MOCS1: variants seen among roughly 807,000 people sequenced by gnomAD.
MOCS1 encodes molybdenum cofactor biosynthesis protein 1.
MOCS1 carries 39 observed loss-of-function variants against 57.6 expected under a neutral mutation model. The ratio of observed to expected loss-of-function variants is 0.68; its 90% CI spans 0.52 to 0.88. The LOEUF (loss-of-function observed/expected upper bound fraction) is 0.88, where lower values mean the gene tolerates loss of function less well. Among genes scored for constraint, MOCS1 ranks in the 40% least tolerant of loss-of-function variants. The pLI, the probability that MOCS1 is intolerant of heterozygous loss-of-function variation, is 0.00. For missense variants in MOCS1, 795 were observed against 831.1 expected, an observed-to-expected ratio of 0.96 and a Z score of 0.53; for synonymous variants, 334 against 335.7, an observed-to-expected ratio of 1.00 and a Z score of 0.05.
intron 1 of MOCS1, among the ~76,000 whole-genome samples, chr6:39,934,076 C>CAG (rs1236831722): frequency 6.6e-6 from 1 of 152,084 alleles, no homozygotes; most frequent in Non-Finnish European, 1.5e-5. Flanking sequence ...GGCTGGGGGG[C>CAG]AGGGAGGTTC....
In MOCS1 at chr6:39,904,689, ACTAT is replaced by A. The variant is rs112059918; in HGVS notation, c.*1664_*1667del. 0.015 allele frequency: 6,840 copies of A among 453,978 alleles called. 290 individuals carry two copies. The highest frequency in any genetic ancestry group is 0.11 in the African/African-American group (5,268 of 50,076). The allele number at this position is 453,978 out of a possible 1,614,324, so 28.1% of individuals were successfully genotyped here. A position where few individuals can be genotyped will look rare whatever the true frequency, so the allele number is the denominator to read the frequency against. ...CATTTCCACCAACTGGGGAACTGTG[ACTAT>A]CTATCTCCCCCGACTTCTACCAGGG... On this transcript the variant is annotated 3_prime_UTR_variant, in exon 11 of 11. Transcript: ENST00000340692.
At chr6:39,918,350 A>C (rs1767777213) in intron 3 of MOCS1, among the ~76,000 whole-genome samples, 1 of 152,254 alleles carries the variant, frequency 6.6e-6, no homozygotes, top group Admixed American at 6.5e-5. Flanking sequence ...ATTCATCATC[A>C]GTTTAAGGTA....
intron 1 of MOCS1, among the ~76,000 whole-genome samples, chr6:39,928,583 G>A (rs779810581): frequency 5.3e-5 from 8 of 152,036 alleles, no homozygotes; most frequent in Non-Finnish European, 1.0e-4. Context: ...AAAAAATCAC[G>A]ACCCTGGAAG....
intron 3 of MOCS1, among the ~76,000 whole-genome samples, chr6:39,921,030 G>A (rs1767938178): frequency 2.0e-5 from 3 of 151,428 alleles, no homozygotes; most frequent in Non-Finnish European, 4.4e-5. Flanking sequence ...ATAGAAAACT[G>A]AGGAACACTT....
At position 39,906,600 on chromosome 6, in the gene MOCS1, G is replaced by A. The variant is rs149233109; in HGVS notation, c.1668C>T (p.His556=). The change falls in exon 11 of 11, where the codon CAC becomes CAT. Residue 556 remains histidine, a synonymous_variant. Transcript: ENST00000340692. ...VTSQLIPLCH[H]VALSHIQVQL... ...GCACCTGGATGTGGCTCAGGGCCAC[G>A]TGGTGGCACAGAGGGATCAGCTGGC... 3.0e-3 allele frequency: 4,900 copies of A among 1,613,884 alleles called. 20 individuals carry two copies. Among genetic ancestry groups the A allele is most frequent in the Middle Eastern group, 0.013 (80 of 6,058 alleles).
At position 39,934,461 on chromosome 6, in the gene MOCS1, C is replaced by G. The variant is rs3800349; in HGVS notation, c.-44G>C. On this transcript the variant is annotated 5_prime_UTR_variant, in exon 1 of 11. Coordinates refer to ENST00000340692, the MANE Select transcript of MOCS1 (RefSeq NM_001358530.2). ...AACCGCAGCCCGCTTCGGGAGCACA[C>G]TGGCCGGGCACTCGCCCCCGGGGTC... 1.3e-6 allele frequency: 2 copies of G among 1,530,472 alleles called. No individual in the cohort carries two copies. Among genetic ancestry groups the G allele is most frequent in the South Asian group, 1.2e-5 (1 of 84,970 alleles). 94.8% of individuals were successfully genotyped at this position (1,530,472 alleles called of 1,614,324 possible).
chr6:39,917,571 G>A (rs927009444), intron 3 of MOCS1, among the ~76,000 whole-genome samples: 22 of 152,158 alleles, frequency 1.4e-4, no homozygotes, highest in Middle Eastern at 6.8e-3. Context: ...CAACATTGCC[G>A]GGCAGGCCAA....
rs547760875 is a variant in MOCS1, at chr6:39,907,644, G to A, written c.1151-527C>T. On this transcript the variant is annotated intron_variant, in intron 10 of 10. Transcript: ENST00000340692. ...TTTTCAAGTCCCCTGAAGCACATGA[G>A]AAGCACATACAAACTGACGGGCTAA... is the stretch of plus-strand genomic sequence containing the variant. 2.0e-5 allele frequency among the ~76,000 whole-genome samples: 3 copies of A among 152,302 alleles called. No individual in the cohort carries two copies. The South Asian group carries it at 6.2e-4, about 32-fold the overall frequency.
rs756774585 is a variant in MOCS1, at chr6:39,906,220, A to C, written c.*137T>G. 1.9e-6 allele frequency: 2 copies of C among 1,055,002 alleles called. No homozygotes were observed. Among genetic ancestry groups the C allele is most frequent in the South Asian group, 2.5e-5 (2 of 79,372 alleles). The allele number at this position is 1,055,002 out of a possible 1,614,324, so 65.4% of individuals were successfully genotyped here. A position where few individuals can be genotyped will look rare whatever the true frequency, so the allele number is the denominator to read the frequency against. On this transcript the variant is annotated 3_prime_UTR_variant, in exon 11 of 11. Coordinates refer to ENST00000340692, the MANE Select transcript of MOCS1 (RefSeq NM_001358530.2). The stretch of plus-strand genomic sequence containing the variant: ...AGCAGCAGGCCTGTTTGTTAGTAGT[A>C]GAGCAGGCTGACTTCGGGTTTACTG...
chr6:39,926,319 A>G (rs1582834563), intron 2 of MOCS1, among the ~76,000 whole-genome samples: 1 of 152,292 alleles, frequency 6.6e-6, no homozygotes, highest in East Asian at 1.9e-4. Context: ...CTCTGTAGCT[A>G]CAAGCATTCT....
At chr6:39,924,271 T>C (rs2149417422) in intron 3 of MOCS1, among the ~76,000 whole-genome samples, 1 of 152,314 alleles carries the variant, frequency 6.6e-6, no homozygotes, top group Non-Finnish European at 1.5e-5. Context: ...AGAGGCACAG[T>C]GGAGACTCAG....
At chr6:39,911,467 T>C (rs1406735748) in intron 8 of MOCS1, among the ~76,000 whole-genome samples, 1 of 152,196 alleles carries the variant, frequency 6.6e-6, no homozygotes, top group African/African-American at 2.4e-5. Flanking sequence ...GCCACCTAAT[T>C]GGTCTTCCTG....
At chr6:39,908,211 C>G (rs1767075272) in intron 10 of MOCS1, among the ~76,000 whole-genome samples, 1 of 152,232 alleles carries the variant, frequency 6.6e-6, no homozygotes, top group Non-Finnish European at 1.5e-5. Flanking sequence ...CTCTGGGCCA[C>G]TGAGTTCCCT....
chr6:39,923,762 C>T (rs1768108757), intron 3 of MOCS1, among the ~76,000 whole-genome samples: 1 of 152,238 alleles, frequency 6.6e-6, no homozygotes, highest in Admixed American at 6.5e-5. Flanking sequence ...GGCCATGGGG[C>T]AGGAGGGAGA....
intron 9 of MOCS1, among the ~76,000 whole-genome samples, chr6:39,909,591 CAA>C (rs772960513): frequency 2.4e-4 from 36 of 152,194 alleles, no homozygotes; most frequent in Non-Finnish European, 4.3e-4. Context: ...TAAAACAGCC[CAA>C]GAGAATCTGG....
intron 7 of MOCS1, 29 bp downstream of exon 7, chr6:39,912,863 G>A: frequency 1.9e-6 from 3 of 1,577,264 alleles, no homozygotes; most frequent in Non-Finnish European, 2.6e-6. Context: ...CTTCCTCCAG[G>A]CCTGCCCCAC....
At chr6:39,923,769 G>A (rs1320763464) in intron 3 of MOCS1, among the ~76,000 whole-genome samples, 1 of 152,244 alleles carries the variant, frequency 6.6e-6, no homozygotes, top group Non-Finnish European at 1.5e-5. Flanking sequence ...GGGCAGGAGG[G>A]AGAAGAGGGC....
intron 1 of MOCS1, among the ~76,000 whole-genome samples, chr6:39,932,149 T>C (rs2149427053): frequency 6.6e-6 from 1 of 152,286 alleles, no homozygotes; most frequent in African/African-American, 2.4e-5. Context: ...CTTTCCATCC[T>C]AGCTCTCCAA....
Position 39,905,766 on chromosome 6 carries a change from T to G in MOCS1, c.*591A>C, listed in dbSNP as rs750680737. The G allele has an allele frequency of 4.2e-6, 2 of 471,030 alleles. No homozygotes were observed. Among genetic ancestry groups the G allele is most frequent in the Admixed American group, 4.7e-5 (2 of 42,552 alleles). The allele number at this position is 471,030 out of a possible 1,614,324, so 29.2% of individuals were successfully genotyped here. ...CAGCAGGACCGGGCAACTGTTAAGC[T>G]GAAAGGCTGCAAGTCTGATGGGACA... On this transcript the variant is annotated 3_prime_UTR_variant, in exon 11 of 11. Coordinates refer to ENST00000340692, the MANE Select transcript of MOCS1 (RefSeq NM_001358530.2).
Sources: gnomAD v4.1 joint callset for allele counts (sites outside exome capture counted in the v4.1 genomes callset) on GRCh38, gnomAD v4.1.1 for gene constraint, MANE v1.5 for transcripts, NCBI Gene and HGNC (gene_info 2026-07-23, HGNC 2026-07-21) for gene names.